CDC14A: variants seen among roughly 807,000 people sequenced by gnomAD.
The protein encoded by CDC14A is dual specificity protein phosphatase CDC14A.
A neutral mutation model predicts 74.4 loss-of-function variants in CDC14A; 53 were observed. The observed-to-expected ratio is 0.71, with a 90% CI of 0.57 to 0.89. The LOEUF (loss-of-function observed/expected upper bound fraction) is 0.89, where lower values mean the gene tolerates loss of function less well. CDC14A is among the 40% of genes least tolerant of loss of function. The pLI, the probability that CDC14A is intolerant of heterozygous loss-of-function variation, is 0.00. For missense variants in CDC14A, 646 were observed against 713.7 expected, an observed-to-expected ratio of 0.91 and a Z score of 1.08; for synonymous variants, 247 against 258.4, an observed-to-expected ratio of 0.96 and a Z score of 0.43.
intron 8 of CDC14A, among the ~76,000 whole-genome samples, chr1:100,457,603 G>A (rs1666840794): frequency 6.6e-6 from 1 of 150,758 alleles, no homozygotes; most frequent in African/African-American, 2.4e-5. Context: ...GGACTACAAG[G>A]CACAGCCCAC....
intron 4 of CDC14A, chr1:100,391,098 A>G: frequency 2.3e-6 from 1 of 428,430 alleles, no homozygotes; most frequent in Non-Finnish European, 4.3e-6. Context: ...AAGAATACCT[A>G]CCAAGGACAT....
chr1:100,366,098 C>A (rs1364133383), intron 2 of CDC14A, among the ~76,000 whole-genome samples: 2 of 152,096 alleles, frequency 1.3e-5, no homozygotes, highest in African/African-American at 4.8e-5. Flanking sequence ...GACCAATAGG[C>A]TTTTAGTAAC....
chr1:100,511,189 A>G (rs891188007), intron 15 of CDC14A, among the ~76,000 whole-genome samples: 2 of 152,090 alleles, frequency 1.3e-5, no homozygotes, highest in Non-Finnish European at 2.9e-5. Context: ...CTCAACTGCA[A>G]ATGTGCACAT....
At chr1:100,456,444 T>G (rs994069975) in intron 8 of CDC14A, among the ~76,000 whole-genome samples, 2 of 151,844 alleles carry the variant, frequency 1.3e-5, no homozygotes, top group African/African-American at 4.9e-5. Context: ...CCCCTTTTTT[T>G]TTCTATCTGA....
intron 2 of CDC14A, 129 bp from the exon 3 acceptor site, chr1:100,377,417 A>G (rs1655428077): frequency 6.0e-6 from 4 of 667,386 alleles, no homozygotes; most frequent in South Asian, 5.7e-5. Context: ...GGATTATACC[A>G]TGGATCAGAT....
At position 100,369,562 on chromosome 1, in the gene CDC14A, AT is replaced by A. The variant is rs553402922; in HGVS notation, c.141-7978del. ...AAGTGTCTGTTCATGTCTTTTGCTC[AT>A]TTTTTAATGGGGTTATTTTTCTCTT... On this transcript the variant is annotated intron_variant, in intron 2 of 15. Transcript: ENST00000336454. 1.2e-4 allele frequency among the ~76,000 whole-genome samples: 19 copies of A among 152,130 alleles called. No homozygotes were observed. The East Asian group carries it at 3.3e-3, about 26-fold the overall frequency.
intron 4 of CDC14A, among the ~76,000 whole-genome samples, chr1:100,391,950 G>C (rs990821672): frequency 1.3e-5 from 2 of 152,210 alleles, no homozygotes; most frequent in African/African-American, 4.8e-5. Flanking sequence ...TTCTTGCTCT[G>C]TAGATAGCAT....
At chr1:100,500,743 C>CA (rs67947647) in intron 15 of CDC14A, among the ~76,000 whole-genome samples, 632 of 53,850 alleles carry the variant, frequency 0.012, 57 homozygotes, top group East Asian at 0.015. Context: ...GAGCCACTCT[C>CA]AAAAAAAAAA....
chr1:100,467,883 G>A, intron 9 of CDC14A, 73 bp from the exon 10 acceptor site: 1 of 1,415,374 alleles, frequency 7.1e-7, no homozygotes, highest in Non-Finnish European at 9.5e-7. Flanking sequence ...TTCTGGGCAA[G>A]GTTTGATTTC....
chr1:100,382,252 G>A lies in CDC14A; in HGVS notation c.216+4631G>A, dbSNP rs79521080. On this transcript the variant is annotated intron_variant, in intron 3 of 15. Transcript: ENST00000336454. ...TTTTTTTGAGAGGGGGTCTCACTGCGTCACCTGGGCTGGAGTGCCATGGTG... is the reference window on the plus strand; with the variant it reads ...TTTTTTTGAGAGGGGGTCTCACTGCATCACCTGGGCTGGAGTGCCATGGTG... Among the ~76,000 whole-genome samples the A allele has an allele frequency of 7.7e-3, 1,071 of 138,322 alleles. 16 individuals carry two copies. Among genetic ancestry groups the A allele is most frequent in the African/African-American group, 0.029 (1,031 of 36,038 alleles). The allele number at this position is 138,322 out of a possible 152,430, so 90.7% of individuals were successfully genotyped here.
intron 10 of CDC14A, among the ~76,000 whole-genome samples, chr1:100,471,438 T>C (rs1232296841): frequency 6.6e-6 from 1 of 152,188 alleles, no homozygotes; most frequent in East Asian, 1.9e-4. Flanking sequence ...ACAATGTATC[T>C]GGTAACTTCA....
At chr1:100,513,234 G>T (rs114879943) in intron 15 of CDC14A, among the ~76,000 whole-genome samples, 2,505 of 152,194 alleles carry the variant, frequency 0.016, 64 homozygotes, top group African/African-American at 0.058. Context: ...CCCCAGTGTT[G>T]TATTTGTTCA....
chr1:100,504,857 G>T (rs1244007803), intron 15 of CDC14A: 2 of 1,535,662 alleles, frequency 1.3e-6, no homozygotes, highest in Non-Finnish European at 1.7e-6. Flanking sequence ...TTTCTTGGAA[G>T]CCCCCTGCTC....
At chr1:100,359,455 C>G (rs1652379108) in intron 2 of CDC14A, among the ~76,000 whole-genome samples, 1 of 152,120 alleles carries the variant, frequency 6.6e-6, no homozygotes, top group Admixed American at 6.5e-5. Context: ...CAACTTTGCC[C>G]CTTCCTGACA....
At chr1:100,358,587 T>C (rs1652242144) in intron 2 of CDC14A, among the ~76,000 whole-genome samples, 1 of 152,218 alleles carries the variant, frequency 6.6e-6, no homozygotes, top group Non-Finnish European at 1.5e-5. Flanking sequence ...GTTTCTGAAG[T>C]GACTTGAAGA....
intron 11 of CDC14A, among the ~76,000 whole-genome samples, chr1:100,491,908 G>A (rs1399063788): frequency 1.9e-4 from 26 of 139,138 alleles, no homozygotes; most frequent in Admixed American, 1.8e-3. Context: ...CTCTGCCCTC[G>A]TGGTCGTCAC....
chr1:100,452,475 C>G (rs1328366758), intron 7 of CDC14A, among the ~76,000 whole-genome samples: 3 of 152,162 alleles, frequency 2.0e-5, no homozygotes, highest in African/African-American at 7.2e-5. Context: ...CGCACCGTTG[C>G]ACTCCAGCCT....
At chr1:100,351,721 CA>C (rs1238964335), upstream of CDC14A, 11 of 1,548,696 alleles carry the variant, frequency 7.1e-6, no homozygotes, top group Non-Finnish European at 7.0e-6. Context: ...TTTGCGCTCA[CA>C]TTGGCGGCCC....
At chr1:100,454,285 C>T (rs1186399670) in intron 7 of CDC14A, among the ~76,000 whole-genome samples, 6 of 149,016 alleles carry the variant, frequency 4.0e-5, no homozygotes, top group African/African-American at 1.5e-4. Flanking sequence ...TGGATGGTAA[C>T]GGATGGCCCA....
Sources: allele counts gnomAD v4.1 joint callset (sites outside exome capture counted in the v4.1 genomes callset), GRCh38; gene constraint gnomAD v4.1.1; transcripts MANE v1.5; gene names NCBI Gene and HGNC (gene_info 2026-07-23, HGNC 2026-07-21).